Variants in NKAIN3 observed in about 807,000 individuals in gnomAD.
NKAIN3 encodes sodium/potassium transporting ATPase interacting 3, also known as sodium/potassium-transporting ATPase subunit beta-1-interacting protein 3.
NKAIN3 carries 25 observed loss-of-function variants against 30.2 expected under a neutral mutation model. The ratio of observed to expected loss-of-function variants is 0.83; its 90% CI spans 0.60 to 1.16. The LOEUF (loss-of-function observed/expected upper bound fraction) is 1.16. NKAIN3 is among the 50% of genes most tolerant of loss of function. The pLI is 0.00. For synonymous variants in NKAIN3, 91 were observed against 89.6 expected (o/e 1.02, Z -0.09); for missense variants, 225 against 254.1 (o/e 0.89, Z 0.78).
chr8:62,560,904 T>C (rs944732081), intron 1 of NKAIN3, among the ~76,000 whole-genome samples: 1 of 152,162 alleles, frequency 6.6e-6, no homozygotes, highest in Non-Finnish European at 1.5e-5. Flanking sequence ...ATTTATCATA[T>C]TTTCAAGTTC....
chr8:62,851,097 G>A (rs1373973550), intron 4 of NKAIN3, among the ~76,000 whole-genome samples: 1 of 151,994 alleles, frequency 6.6e-6, no homozygotes, highest in African/African-American at 2.4e-5. Context: ...AGCATGGAAT[G>A]TTCTTCCATT....
chr8:62,952,525 G>A (rs551106574), intron 5 of NKAIN3, among the ~76,000 whole-genome samples: 16 of 152,236 alleles, frequency 1.1e-4, no homozygotes, highest in African/African-American at 3.9e-4. Flanking sequence ...TCATCAATCT[G>A]AGTTCTGACT....
chr8:62,274,752 C>A (rs186540375), intron 1 of NKAIN3, among the ~76,000 whole-genome samples: 6 of 151,496 alleles, frequency 4.0e-5, no homozygotes, highest in African/African-American at 1.2e-4. Context: ...CCCGACCCCC[C>A]ACCCCACAAC....
intron 1 of NKAIN3, among the ~76,000 whole-genome samples, chr8:62,353,275 T>C (rs1311395849): frequency 6.6e-6 from 1 of 152,246 alleles, no homozygotes; most frequent in Admixed American, 6.5e-5. Context: ...ATAGTTCCTA[T>C]GTACATTCTT....
intron 4 of NKAIN3, among the ~76,000 whole-genome samples, chr8:62,787,733 T>A (rs1400382549): frequency 6.6e-6 from 1 of 152,020 alleles, no homozygotes. Flanking sequence ...CCTGTGTCCA[T>A]GTGTTCTCAT....
intron 4 of NKAIN3, among the ~76,000 whole-genome samples, chr8:62,891,070 G>A (rs1020639480): frequency 3.3e-5 from 5 of 152,154 alleles, no homozygotes; most frequent in African/African-American, 1.2e-4. Flanking sequence ...CAACTTGATT[G>A]GATTGAAGGA....
chr8:62,596,492 C>T (rs1339361692), intron 3 of NKAIN3, among the ~76,000 whole-genome samples: 11 of 152,020 alleles, frequency 7.2e-5, no homozygotes, highest in African/African-American at 2.4e-4. Context: ...GGTGTTCCCT[C>T]GGAAGTTAGG....
chr8:62,396,817 C>T (rs531233042), intron 1 of NKAIN3, among the ~76,000 whole-genome samples: 4 of 152,114 alleles, frequency 2.6e-5, no homozygotes, highest in Admixed American at 1.3e-4. Flanking sequence ...CTTCTTATTG[C>T]GGCTTTGTTT....
intron 3 of NKAIN3, among the ~76,000 whole-genome samples, chr8:62,710,844 T>G (rs1814691764): frequency 6.6e-6 from 1 of 152,192 alleles, no homozygotes; most frequent in Admixed American, 6.5e-5. Flanking sequence ...CCTGTGTGAT[T>G]TATGCTTTAA....
chr8:62,600,696 G>A (rs1254994943), intron 3 of NKAIN3, among the ~76,000 whole-genome samples: 1 of 152,006 alleles, frequency 6.6e-6, no homozygotes, highest in Non-Finnish European at 1.5e-5. Flanking sequence ...TTTGATTCTT[G>A]GAGAAATTTA....
intron 1 of NKAIN3, among the ~76,000 whole-genome samples, chr8:62,477,130 G>A (rs2129600466): frequency 6.6e-6 from 1 of 152,300 alleles, no homozygotes; most frequent in African/African-American, 2.4e-5. Flanking sequence ...GGAAACAGCT[G>A]GTGAAATGTT....
At chr8:62,594,592 T>C (rs1288766605) in intron 3 of NKAIN3, among the ~76,000 whole-genome samples, 1 of 152,104 alleles carries the variant, frequency 6.6e-6, no homozygotes, top group Non-Finnish European at 1.5e-5. Flanking sequence ...ATGAGCTCTC[T>C]GTCCTGCAGA....
intron 4 of NKAIN3, among the ~76,000 whole-genome samples, chr8:62,787,754 C>T (rs1817569889): frequency 1.3e-5 from 2 of 152,006 alleles, no homozygotes; most frequent in Non-Finnish European, 2.9e-5. Context: ...TGTTCAATTC[C>T]CACCTATGAG....
intron 3 of NKAIN3, among the ~76,000 whole-genome samples, chr8:62,638,671 CACT>C (rs1283271138): frequency 1.3e-5 from 2 of 151,970 alleles, no homozygotes; most frequent in Non-Finnish European, 2.9e-5. Context: ...TTTTTTTCAA[CACT>C]ACCCCAATTT....
chr8:62,466,658 A>G (rs1288288618), intron 1 of NKAIN3, among the ~76,000 whole-genome samples: 1 of 152,200 alleles, frequency 6.6e-6, no homozygotes, highest in South Asian at 2.1e-4. Context: ...TTTTGCTGCA[A>G]TGTCATCACA....
intron 4 of NKAIN3, among the ~76,000 whole-genome samples, chr8:62,884,257 G>C (rs1053993265): frequency 2.9e-5 from 4 of 137,660 alleles, no homozygotes; most frequent in Non-Finnish European, 6.3e-5. Flanking sequence ...ACAGATTTTA[G>C]AGAATTTTTT....
chr8:62,622,834 C>A (rs1167255431), intron 3 of NKAIN3, among the ~76,000 whole-genome samples: 3 of 151,920 alleles, frequency 2.0e-5, no homozygotes, highest in Non-Finnish European at 4.4e-5. Flanking sequence ...AGTCTAAGAA[C>A]TCTTTGCTAG....
At chr8:62,943,354 T>C (rs1823023836) in intron 5 of NKAIN3, among the ~76,000 whole-genome samples, 1 of 148,058 alleles carries the variant, frequency 6.8e-6, no homozygotes, top group African/African-American at 2.7e-5. Context: ...ACCTTACTCT[T>C]GCAAGAATGG....
chr8:62,860,986 C>G (rs1184399603), intron 4 of NKAIN3, among the ~76,000 whole-genome samples: 1 of 152,220 alleles, frequency 6.6e-6, no homozygotes, highest in African/African-American at 2.4e-5. Context: ...AGGCCTAAGA[C>G]AGCCAAGACA....
Sources: gnomAD v4.1 joint callset for allele counts (sites outside exome capture counted in the v4.1 genomes callset) on GRCh38, gnomAD v4.1.1 for gene constraint, MANE v1.5 for transcripts, NCBI Gene and HGNC (gene_info 2026-07-23, HGNC 2026-07-21) for gene names.